TUBGCP5: variants seen among roughly 807,000 people sequenced by gnomAD.
TUBGCP5 encodes gamma-tubulin complex component 5.
Under a neutral mutation model 134.7 loss-of-function variants are expected in TUBGCP5, and 98 were observed. The ratio of observed to expected loss-of-function variants is 0.73; its 90% confidence interval spans 0.62 to 0.86. The LOEUF is 0.86. Among genes scored for constraint, TUBGCP5 ranks in the 40% least tolerant of loss-of-function variants. The probability of loss-of-function intolerance (pLI) is 0.00; values close to 1 mark genes in which losing one functional copy is unlikely to be tolerated. For missense variants in TUBGCP5, 1,150 were observed against 1,244.8 expected, an observed-to-expected ratio of 0.92 and a Z score of 1.15; for synonymous variants, 456 against 431.4, an observed-to-expected ratio of 1.06 and a Z score of -0.71.
chr15:23,004,467 C>T (rs1244106373), intron 19 of TUBGCP5: 8 of 456,920 alleles, frequency 1.8e-5, no homozygotes, highest in East Asian at 8.7e-5. Flanking sequence ...AATGAATGAA[C>T]GCCAAACTCT....
downstream of TUBGCP5, among the ~76,000 whole-genome samples, chr15:22,997,372 G>T (rs2064137655): frequency 6.6e-6 from 1 of 151,680 alleles, no homozygotes; most frequent in South Asian, 2.1e-4. Flanking sequence ...TAGAGACGGG[G>T]TTTCCCCATA....
At chr15:22,986,147 A>AATAAT (rs34842315) in intron 23 of TUBGCP5, among the ~76,000 whole-genome samples, 7 of 132,838 alleles carry the variant, frequency 5.3e-5, no homozygotes, top group Non-Finnish European at 1.1e-4. Context: ...AAAAAAAAAA[A>AATAAT]AATAATAATA....
At chr15:23,010,240 A>T (rs1595847498) in intron 14 of TUBGCP5, 107 bp from the exon 15 acceptor site, 1 of 1,203,530 alleles carries the variant, frequency 8.3e-7, no homozygotes. Context: ...GAAGTTACCA[A>T]CTATTACAGA....
intron 21 of TUBGCP5, among the ~76,000 whole-genome samples, chr15:23,001,983 C>T (rs527288506): frequency 6.6e-6 from 1 of 152,034 alleles, no homozygotes; most frequent in South Asian, 2.1e-4. Flanking sequence ...CAATCAGGAA[C>T]AATTAACTTA....
chr15:23,024,158 T>G lies in TUBGCP5; in HGVS notation c.957A>C (p.Ala319=). 6.2e-7 allele frequency: 1 copy of G among 1,614,170 alleles called. No homozygotes were observed. The highest frequency in any genetic ancestry group is 8.5e-7 in the Non-Finnish European group (1 of 1,180,018). Residue 319 remains alanine (A), a synonymous_variant, in exon 10 of 23, where the codon GCA becomes GCC. Coordinates refer to ENST00000615383, the MANE Select transcript of TUBGCP5 (RefSeq NM_052903.6). ...CLRSVLEQIA[A]YGQVVFRLQE... Reference sequence around the variant, plus strand: ...GGAGTCGAAACACAACCTGGCCATATGCTGCTATTTGTTCCAGCACAGATC... The same window carrying G: ...GGAGTCGAAACACAACCTGGCCATAGGCTGCTATTTGTTCCAGCACAGATC...
In TUBGCP5 at chr15:23,004,235, G is replaced by A. The variant is rs775290317; in HGVS notation, c.2713-8C>T. On this transcript the variant is annotated splice_polypyrimidine_tract_variant and splice_region_variant and intron_variant, in intron 19 of 22. Transcript: ENST00000615383. ...CCCTGTACTGTGTAGAATCTTGGAA[G>A]AGAAAGATAAAAAGCTTCATCAGCA... 1.2e-6 allele frequency: 2 copies of A among 1,601,772 alleles called. No homozygotes were observed. The highest frequency in any genetic ancestry group is 1.4e-5 in the African/African-American group (1 of 74,036).
rs139914701 is a variant in TUBGCP5, at chr15:23,035,342, GA to G, written c.309+1554del. Among the ~76,000 whole-genome samples the G allele has an allele frequency of 9.0e-5, 8 of 89,308 alleles. 1 individual carries two copies. Among genetic ancestry groups the G allele is most frequent in the African/African-American group, 4.0e-4 (8 of 20,054 alleles). 58.6% of individuals were successfully genotyped at this position (89,308 alleles called of 152,430 possible). On this transcript the variant is annotated intron_variant, in intron 3 of 22. Transcript: ENST00000615383. ...GACACTCAGTCTTAAAAAAAAAAAAGAAAAAAAGTGTGAAGTTATTGCTACA... is the reference window on the plus strand; with the variant it reads ...GACACTCAGTCTTAAAAAAAAAAAAGAAAAAAGTGTGAAGTTATTGCTACA...
At chr15:23,016,984 A>ATATATATATATATATATATATATATATG (rs1555439472) in intron 13 of TUBGCP5, among the ~76,000 whole-genome samples, 3 of 145,854 alleles carry the variant, frequency 2.1e-5, no homozygotes, top group South Asian at 2.2e-4. Context: ...ATATATATAT[A>ATATATATATATATATATATATATATATG]TATGTATATA....
intron 10 of TUBGCP5, among the ~76,000 whole-genome samples, chr15:23,022,806 G>A (rs1420725913): frequency 1.3e-5 from 2 of 152,158 alleles, no homozygotes; most frequent in Non-Finnish European, 2.9e-5. Context: ...AAGGTCATGG[G>A]AACACAGGGC....
In TUBGCP5 at chr15:23,034,110, T is replaced by C. The variant is rs533693047; in HGVS notation, c.310-1286A>G. Among the ~76,000 whole-genome samples, 53 of 152,326 alleles carry C rather than the reference T, an allele frequency of 3.5e-4. 3 individuals carry two copies. The South Asian group carries it at 9.5e-3, about 27-fold the overall frequency. Reference sequence around the variant, plus strand: ...TGTATGCTCAGATCTTGAACCATGTTGTACTAGTCTGTTTAGATAGTTTGC... The same window carrying C: ...TGTATGCTCAGATCTTGAACCATGTCGTACTAGTCTGTTTAGATAGTTTGC... On this transcript the variant is annotated intron_variant, in intron 3 of 22. Coordinates refer to ENST00000615383, the MANE Select transcript of TUBGCP5 (RefSeq NM_052903.6).
At position 23,021,338 on chromosome 15, in the gene TUBGCP5, A is replaced by T. The variant is rs182947836; in HGVS notation, c.1371+621T>A. On this transcript the variant is annotated intron_variant, in intron 11 of 22. Transcript: ENST00000615383. ...AAAATTTATCTTAACTGTATATTTTAAAAAATTTTAATTTAACTAATTTTT... is the reference window on the plus strand; with the variant it reads ...AAAATTTATCTTAACTGTATATTTTTAAAAATTTTAATTTAACTAATTTTT... Among the ~76,000 whole-genome samples the T allele has an allele frequency of 6.5e-3, 989 of 152,154 alleles. 4 individuals are homozygous for T. The highest frequency in any genetic ancestry group is 0.021 in the African/African-American group (861 of 41,522).
intron 1 of TUBGCP5, among the ~76,000 whole-genome samples, chr15:23,038,139 C>G (rs879567115): frequency 1.4e-4 from 22 of 152,026 alleles, no homozygotes; most frequent in Non-Finnish European, 3.2e-4. Context: ...ACAGCACAGC[C>G]TATGCAACTA....
intron 23 of TUBGCP5, among the ~76,000 whole-genome samples, chr15:22,993,525 GTTTTTT>G (rs71414252): frequency 4.3e-4 from 30 of 69,266 alleles, no homozygotes; most frequent in African/African-American, 1.5e-3. Flanking sequence ...AGCCCCCGAA[GTTTTTT>G]TTTTTTTTTT....
At chr15:23,027,405 G>A in intron 6 of TUBGCP5, 99 bp from the exon 7 acceptor site, 1 of 948,374 alleles carries the variant, frequency 1.1e-6, no homozygotes, top group Admixed American at 2.4e-5. Context: ...AGTTGAAAAT[G>A]GCTTTTTAAA....
intron 22 of TUBGCP5, chr15:23,000,201 C>T: frequency 9.1e-7 from 1 of 1,101,844 alleles, no homozygotes; most frequent in Non-Finnish European, 1.1e-6. Context: ...GCCACCGCGC[C>T]AGGCCAGGAG....
intron 12 of TUBGCP5, among the ~76,000 whole-genome samples, chr15:23,018,804 A>G (rs1201265560): frequency 6.6e-6 from 1 of 152,214 alleles, no homozygotes; most frequent in African/African-American, 2.4e-5. Context: ...AAGGTAAAAG[A>G]AATCAGTAGA....
intron 3 of TUBGCP5, among the ~76,000 whole-genome samples, chr15:23,033,757 G>A (rs968158283): frequency 2.6e-5 from 4 of 152,048 alleles, no homozygotes; most frequent in Non-Finnish European, 4.4e-5. Context: ...TAATCAGATC[G>A]GTGAAAAACA....
chr15:22,987,634 C>A (rs577104420), intron 23 of TUBGCP5, among the ~76,000 whole-genome samples: 1 of 151,104 alleles, frequency 6.6e-6, no homozygotes, highest in African/African-American at 2.4e-5. Context: ...CGGTGGCTCA[C>A]GCCTGTAATC....
chr15:23,027,486 T>G (rs2066045482), intron 6 of TUBGCP5, among the ~76,000 whole-genome samples, 180 bp from the exon 7 acceptor site: 1 of 152,134 alleles, frequency 6.6e-6, no homozygotes, highest in Non-Finnish European at 1.5e-5. Context: ...GTTCTATGGC[T>G]CACACATATA....
Sources: allele counts gnomAD v4.1 joint callset (sites outside exome capture counted in the v4.1 genomes callset), GRCh38; gene constraint gnomAD v4.1.1; transcripts MANE v1.5; gene names NCBI Gene and HGNC (gene_info 2026-07-23, HGNC 2026-07-21).